Variants in CAMKK1 observed in about 807,000 individuals in gnomAD.
CAMKK1 encodes calcium/calmodulin dependent protein kinase kinase 1.
In CAMKK1, 20 loss-of-function variants were observed where a neutral mutation model predicts 63.5. The observed-to-expected ratio is 0.32, with a 90% CI of 0.22 to 0.46. The LOEUF is 0.46. Ranked by LOEUF, CAMKK1 falls within the 20% of genes least tolerant of loss-of-function variation. The pLI is 1.00. For synonymous variants in CAMKK1, 253 were observed against 269.0 expected, an observed-to-expected ratio of 0.94 and a Z score of 0.58; for missense variants, 588 against 658.1, an observed-to-expected ratio of 0.89 and a Z score of 1.17.
At position 3,885,436 on chromosome 17, in the gene CAMKK1, C is replaced by T. The variant is rs754398025; in HGVS notation, c.252G>A (p.Leu84=). ...SLQERPAGSY[L]EAQAGPYATG... is the part of the protein sequence containing the mutation. ...TGGCATAAGGCCCAGCCTGCGCCTCCAGATAGCTTCCTGCTGGCCGCTCCT... is the reference window on the plus strand; with the variant it reads ...TGGCATAAGGCCCAGCCTGCGCCTCTAGATAGCTTCCTGCTGGCCGCTCCT... The change falls in exon 2 of 16, where the codon CTG becomes CTA. Residue 84 remains leucine (L), a synonymous_variant. Transcript: ENST00000348335. 6.8e-6 allele frequency: 11 copies of T among 1,613,022 alleles called. No homozygotes were observed. The Admixed American group carries it at 1.0e-4, about 15-fold the overall frequency.
At chr17:3,864,930 G>A (rs1021816455) in intron 15 of CAMKK1, among the ~76,000 whole-genome samples, 3 of 152,214 alleles carry the variant, frequency 2.0e-5, no homozygotes, top group Non-Finnish European at 4.4e-5. Flanking sequence ...CCTGGTGACA[G>A]CGTGAAGCCA....
Position 3,890,590 on chromosome 17 carries a change from C to G in CAMKK1, c.-44+2349G>C. 1.3e-6 allele frequency: 1 copy of G among 774,358 alleles called. No homozygotes were observed. The highest frequency in any genetic ancestry group is 2.4e-6 in the Non-Finnish European group (1 of 414,454). The allele number at this position is 774,358 out of a possible 1,614,324, so 48.0% of individuals were successfully genotyped here. On this transcript the variant is annotated intron_variant, in intron 1 of 15. Coordinates refer to ENST00000348335, the MANE Select transcript of CAMKK1 (RefSeq NM_032294.3). This position sits in a 1 kb window ranked among gnomAD's most constrained non-coding sequence, Gnocchi z 6.5. ...TCTCCATTGCGAGACGGGTACCACACCCTCCCCATTCTTTCCTGACCCAGG... is the reference window on the plus strand; with the variant it reads ...TCTCCATTGCGAGACGGGTACCACAGCCTCCCCATTCTTTCCTGACCCAGG...
chr17:3,886,741 G>A (rs1017609530), intron 1 of CAMKK1, among the ~76,000 whole-genome samples: 3 of 152,062 alleles, frequency 2.0e-5, no homozygotes, highest in African/African-American at 7.2e-5. Flanking sequence ...AAACATCAGG[G>A]AGGTGACCCC....
At chr17:3,876,870 G>T (rs902011037) in intron 9 of CAMKK1, among the ~76,000 whole-genome samples, 3 of 149,710 alleles carry the variant, frequency 2.0e-5, no homozygotes, top group African/African-American at 7.4e-5. Context: ...AGATTCTCCT[G>T]CCTCAGCCTC....
At position 3,862,590 on chromosome 17, in the gene CAMKK1, C is replaced by T. The variant is rs1567607379; in HGVS notation, c.1446-307G>A. Among the ~76,000 whole-genome samples, 1 of 152,196 alleles carries T rather than the reference C, an allele frequency of 6.6e-6. No homozygotes were observed. Among genetic ancestry groups the T allele is most frequent in the African/African-American group, 2.4e-5 (1 of 41,450 alleles). On this transcript the variant is annotated intron_variant, in intron 15 of 15. Coordinates refer to ENST00000348335, the MANE Select transcript of CAMKK1 (RefSeq NM_032294.3). The surrounding 1 kb of genome is among the most constrained non-coding windows in gnomAD (Gnocchi z 4.1). ...GACCCAGCTGACTTCCCTACATCCT[C>T]CAACTATCAGCCTAATCAAGGGCCT...
rs534598284 is a variant in CAMKK1, at chr17:3,890,918, G to A, written c.-44+2021C>T. 1.2e-4 allele frequency among the ~76,000 whole-genome samples: 19 copies of A among 152,194 alleles called. No homozygotes were observed. Among genetic ancestry groups the A allele is most frequent in the African/African-American group, 3.1e-4 (13 of 41,528 alleles). ...AAGTCCAGATTCTACCCACTGCTTC[G>A]TTTCCCACTATGTGGGTCTTCCCTG... On this transcript the variant is annotated intron_variant, in intron 1 of 15. Coordinates refer to ENST00000348335, the MANE Select transcript of CAMKK1 (RefSeq NM_032294.3). The surrounding 1 kb of genome is among the most constrained non-coding windows in gnomAD (Gnocchi z 6.5).
chr17:3,865,480 A>G, intron 15 of CAMKK1: 1 of 1,011,270 alleles, frequency 9.9e-7, no homozygotes, highest in Non-Finnish European at 1.2e-6. Flanking sequence ...CCCCTCCTCT[A>G]CAGCCCGCCA....
At chr17:3,871,340 T>TTTTTG (rs1567617957) in intron 12 of CAMKK1, among the ~76,000 whole-genome samples, 5 of 79,028 alleles carry the variant, frequency 6.3e-5, no homozygotes, top group African/African-American at 3.4e-4. Context: ...TTTGTTTTTT[T>TTTTTG]TTTTTTGTTT....
In CAMKK1 at chr17:3,885,702, G is replaced by A; in HGVS notation, c.-15C>T. The A allele has an allele frequency of 6.2e-7, 1 of 1,610,826 alleles. No individual in the cohort carries two copies. Among genetic ancestry groups the A allele is most frequent in the Non-Finnish European group, 8.5e-7 (1 of 1,179,928 alleles). ...CCCCCCTCCATTGCTTCAGTCAAGG[G>A]GGTTCTTCTGCGTAGCCTTGTTGGG... is the stretch of plus-strand genomic sequence containing the variant. On this transcript the variant is annotated 5_prime_UTR_variant, in exon 2 of 16. Transcript: ENST00000348335.
At position 3,889,017 on chromosome 17, in the gene CAMKK1, C is replaced by G. The variant is rs9904238; in HGVS notation, c.-43-3287G>C. ...TGTGTGCGCAGGTGTGTTTATGCGC[C>G]TGTGTGCCTGCAGGTCTCCGTGTAC... On this transcript the variant is annotated intron_variant, in intron 1 of 15. Coordinates refer to ENST00000348335, the MANE Select transcript of CAMKK1 (RefSeq NM_032294.3). This position sits in a 1 kb window ranked among gnomAD's most constrained non-coding sequence, Gnocchi z 5.2. Among the ~76,000 whole-genome samples the G allele has an allele frequency of 0.48, 72,852 of 151,898 alleles. 17,752 individuals are homozygous for G. Among genetic ancestry groups the G allele is most frequent in the Non-Finnish European group, 0.5 (33,672 of 67,904 alleles).
rs1241611593 is a variant in CAMKK1, at chr17:3,879,042, G to C, written c.796+1304C>G. 1.3e-5 allele frequency: 2 copies of C among 152,170 alleles called. No individual in the cohort carries two copies. The highest frequency in any genetic ancestry group is 2.9e-5 in the Non-Finnish European group (2 of 68,072). The allele number at this position is 152,170 out of a possible 1,614,324, so 9.4% of individuals were successfully genotyped here. A position where few individuals can be genotyped will look rare whatever the true frequency, so the allele number is the denominator to read the frequency against. ...TTGGCCAGGCTGGTCTCAAACCCCT[G>C]ACCTCAGGTGATCTACCCACCTCGG... On this transcript the variant is annotated intron_variant, in intron 9 of 15. Coordinates refer to ENST00000348335, the MANE Select transcript of CAMKK1 (RefSeq NM_032294.3). This position sits in a 1 kb window ranked among gnomAD's most constrained non-coding sequence, Gnocchi z 4.5.
chr17:3,883,513 T>C lies in CAMKK1; in HGVS notation c.463-33A>G. ...AGGAGGGACAGAAATGTCACTACTGTGCAGCCACCAGGGGCTAGAACAGGC... is the reference window on the plus strand; with the variant it reads ...AGGAGGGACAGAAATGTCACTACTGCGCAGCCACCAGGGGCTAGAACAGGC... On this transcript the variant is annotated intron_variant, in intron 4 of 15. Coordinates refer to ENST00000348335, the MANE Select transcript of CAMKK1 (RefSeq NM_032294.3). The surrounding 1 kb of genome is among the most constrained non-coding windows in gnomAD (Gnocchi z 4.7). 1 of 1,565,336 alleles carries C rather than the reference T, an allele frequency of 6.4e-7. No homozygotes were observed. Among genetic ancestry groups the C allele is most frequent in the South Asian group, 1.1e-5 (1 of 90,162 alleles).
intron 14 of CAMKK1, among the ~76,000 whole-genome samples, chr17:3,868,427 G>C: frequency 1.8e-5 from 2 of 111,918 alleles, no homozygotes; most frequent in South Asian, 3.5e-4. Context: ...AGACACAGGT[G>C]CTGCCTAACT....
In CAMKK1 at chr17:3,881,618, G is replaced by T; in HGVS notation, c.707+9C>A. 6.4e-7 allele frequency: 1 copy of T among 1,569,476 alleles called. No individual in the cohort carries two copies. Among genetic ancestry groups the T allele is most frequent in the Non-Finnish European group, 8.7e-7 (1 of 1,155,244 alleles). ...GAATTGACCTGCCTGATCAGGACGG[G>T]GAACTCACCCCTTTCTCAGGAGGTC... On this transcript the variant is annotated intron_variant, in intron 8 of 15. Coordinates refer to ENST00000348335, the MANE Select transcript of CAMKK1 (RefSeq NM_032294.3).
intron 8 of CAMKK1, among the ~76,000 whole-genome samples, chr17:3,881,055 T>C (rs753496631): frequency 1.9e-4 from 29 of 152,168 alleles, no homozygotes; most frequent in Non-Finnish European, 4.1e-4. Flanking sequence ...GCAGTGAGGG[T>C]CCCGGACCAC....
At position 3,890,402 on chromosome 17, in the gene CAMKK1, G is replaced by GCCTCATCCTCTGCCCCT. The variant is rs2055852707; in HGVS notation, c.-44+2520_-44+2536dup. Among the ~76,000 whole-genome samples the GCCTCATCCTCTGCCCCT allele has an allele frequency of 2.0e-5, 3 of 152,100 alleles. No homozygotes were observed. Among genetic ancestry groups the GCCTCATCCTCTGCCCCT allele is most frequent in the African/African-American group, 7.2e-5 (3 of 41,412 alleles). The stretch of plus-strand genomic sequence containing the variant: ...ACCCACGGAGGCTGATGGTCTCCAG[G>GCCTCATCCTCTGCCCCT]CCTCATCCTCTGCCCCTCCTCATCC... On this transcript the variant is annotated intron_variant, in intron 1 of 15. Coordinates refer to ENST00000348335, the MANE Select transcript of CAMKK1 (RefSeq NM_032294.3). The surrounding 1 kb of genome is among the most constrained non-coding windows in gnomAD (Gnocchi z 6.5).
chr17:3,882,215 TAC>T lies in CAMKK1; in HGVS notation c.685+311_685+312del, dbSNP rs751101214. The T allele has an allele frequency of 1.2e-5, 17 of 1,416,268 alleles. No individual in the cohort carries two copies. The African/African-American group carries it at 2.3e-4, about 19-fold the overall frequency. The allele number at this position is 1,416,268 out of a possible 1,614,324, so 87.7% of individuals were successfully genotyped here. On this transcript the variant is annotated intron_variant, in intron 7 of 15. Coordinates refer to ENST00000348335, the MANE Select transcript of CAMKK1 (RefSeq NM_032294.3). This position sits in a 1 kb window ranked among gnomAD's most constrained non-coding sequence, Gnocchi z 4.3. ...AGGTGGGAAAACTGAGGCACAGAGC[TAC>T]AGTGTCTGGGAACCCATGCAGCCTG...
chr17:3,869,559 G>C lies in CAMKK1; in HGVS notation c.1269C>G (p.His423Gln). Residue 423 changes from histidine to glutamine, a missense_variant, in exon 14 of 16, where the codon CAC becomes CAG. Physicochemically the swap from His to Gln is conservative, Grantham distance 24 (BLOSUM62 0). This residue lies in a region of CAMKK1 where 226 missense variants were observed against 229.2 expected (regional missense o/e 0.99). Coordinates refer to ENST00000348335, the MANE Select transcript of CAMKK1 (RefSeq NM_032294.3). ...CCTCTGTCACCTCCACCACGCTGCAGTGCTCCTCCTCCGAAGGAAGGGGCT... is the reference window on the plus strand; with the variant it reads ...CCTCTGTCACCTCCACCACGCTGCACTGCTCCTCCTCCGAAGGAAGGGGCT... ...GEEPLPSEEE[H>Q]CSVVEVTEEE... 1 of 1,614,226 alleles carries C rather than the reference G, an allele frequency of 6.2e-7. No homozygotes were observed. The highest frequency in any genetic ancestry group is 8.5e-7 in the Non-Finnish European group (1 of 1,180,042).
At position 3,883,962 on chromosome 17, in the gene CAMKK1, CA is replaced by C; in HGVS notation, c.409-26del. The C allele has an allele frequency of 6.2e-7, 1 of 1,612,608 alleles. No individual in the cohort carries two copies. The highest frequency in any genetic ancestry group is 8.5e-7 in the Non-Finnish European group (1 of 1,179,672). On this transcript the variant is annotated intron_variant, in intron 3 of 15. Coordinates refer to ENST00000348335, the MANE Select transcript of CAMKK1 (RefSeq NM_032294.3). This position sits in a 1 kb window ranked among gnomAD's most constrained non-coding sequence, Gnocchi z 4.7. Reference sequence around the variant, plus strand: ...CCTGCAGATAGGCATCAGTCAGCCCCACCTGGACAGGGCAACCCCTCCCAGG... The same window carrying C: ...CCTGCAGATAGGCATCAGTCAGCCCCCCTGGACAGGGCAACCCCTCCCAGG...
Sources: allele counts gnomAD v4.1 joint callset (sites outside exome capture counted in the v4.1 genomes callset), GRCh38; gene constraint gnomAD v4.1.1; regional missense constraint gnomAD v4.1.1; non-coding constraint Gnocchi (gnomAD v3.1); transcripts MANE v1.5; gene names NCBI Gene and HGNC (gene_info 2026-07-23, HGNC 2026-07-21).